Variants in BMERB1 observed in about 807,000 individuals in gnomAD.
The protein encoded by BMERB1 is bMERB domain-containing protein 1.
In BMERB1, 12 loss-of-function variants were observed where a neutral mutation model predicts 23.6. The ratio of observed to expected loss-of-function variants is 0.51; its 90% CI spans 0.33 to 0.82. BMERB1 has a LOEUF of 0.82. BMERB1 is among the 40% of genes least tolerant of loss of function. The pLI is 0.03. For synonymous variants in BMERB1, 122 were observed against 96.6 expected, an observed-to-expected ratio of 1.26 and a Z score of -1.54; for missense variants, 247 against 255.4, an observed-to-expected ratio of 0.97 and a Z score of 0.22.
At chr16:15,452,323 G>A (rs11075267) in intron 1 of BMERB1, among the ~76,000 whole-genome samples, 1 of 122,320 alleles carries the variant, frequency 8.2e-6, no homozygotes, top group Non-Finnish European at 1.6e-5. Context: ...GGAGAGAGAG[G>A]GAGGGAGGGA....
At chr16:15,551,948 A>T (rs1352803879) in intron 2 of BMERB1, among the ~76,000 whole-genome samples, 33 of 152,150 alleles carry the variant, frequency 2.2e-4, no homozygotes, top group Admixed American at 2.2e-3. Flanking sequence ...GATAACAGGC[A>T]GGAGCTGCTG....
At chr16:15,490,239 C>T (rs1424196753) in intron 1 of BMERB1, among the ~76,000 whole-genome samples, 1 of 152,106 alleles carries the variant, frequency 6.6e-6, no homozygotes, top group East Asian at 1.9e-4. Context: ...GTGCCCACTT[C>T]AAGAGATGCC....
chr16:15,546,751 T>C (rs1471793110), intron 2 of BMERB1, among the ~76,000 whole-genome samples: 1 of 152,172 alleles, frequency 6.6e-6, no homozygotes, highest in Non-Finnish European at 1.5e-5. Context: ...ATGGGTCCAG[T>C]TGCTGGGGTG....
At chr16:15,496,988 AGCCAAGGAATGTAGGTG>A (rs1467731013) in intron 1 of BMERB1, among the ~76,000 whole-genome samples, 5 of 152,246 alleles carry the variant, frequency 3.3e-5, no homozygotes, top group Non-Finnish European at 1.5e-5. Context: ...AGGGGCCATA[AGCCAAGGAATGTAGGTG>A]GCCAAGGAAT....
intron 3 of BMERB1, among the ~76,000 whole-genome samples, chr16:15,571,582 C>A (rs1287509028): frequency 2.6e-5 from 4 of 152,080 alleles, no homozygotes; most frequent in African/African-American, 9.7e-5. Context: ...TCTCGATCTC[C>A]TGACCTCATG....
At chr16:15,511,687 C>T (rs2051667395) in intron 1 of BMERB1, among the ~76,000 whole-genome samples, 1 of 152,198 alleles carries the variant, frequency 6.6e-6, no homozygotes, top group South Asian at 2.1e-4. Context: ...TGGCCTTTTC[C>T]ATTGCCTTTG....
intron 2 of BMERB1, among the ~76,000 whole-genome samples, chr16:15,541,286 C>A (rs981088788): frequency 3.3e-5 from 5 of 151,934 alleles, no homozygotes; most frequent in African/African-American, 1.2e-4. Flanking sequence ...GGTGCACTGC[C>A]CTCCCAGCAC....
At chr16:15,462,640 T>G (rs1021772912) in intron 1 of BMERB1, among the ~76,000 whole-genome samples, 1 of 152,056 alleles carries the variant, frequency 6.6e-6, no homozygotes, top group Non-Finnish European at 1.5e-5. Context: ...GGGAACAGCC[T>G]GAATGCGAAC....
At chr16:15,547,694 T>C (rs2029962023) in intron 2 of BMERB1, among the ~76,000 whole-genome samples, 1 of 152,070 alleles carries the variant, frequency 6.6e-6, no homozygotes, top group Non-Finnish European at 1.5e-5. Context: ...CCTGCTGAAA[T>C]AGCTGTCATG....
intron 5 of BMERB1, among the ~76,000 whole-genome samples, chr16:15,585,522 A>G (rs1156598169): frequency 6.6e-6 from 1 of 152,128 alleles, no homozygotes; most frequent in Non-Finnish European, 1.5e-5. Context: ...CCCCTTGAAG[A>G]TGAGCCCTCA....
At chr16:15,450,336 A>C (rs1182152162) in intron 1 of BMERB1, among the ~76,000 whole-genome samples, 2 of 152,202 alleles carry the variant, frequency 1.3e-5, no homozygotes, top group African/African-American at 2.4e-5. Context: ...AAAAAAGAAA[A>C]AAAAGGAAAA....
chr16:15,526,663 C>CAAAAAA (rs57236824), intron 2 of BMERB1, among the ~76,000 whole-genome samples: 1 of 50,856 alleles, frequency 2.0e-5, no homozygotes, highest in Non-Finnish European at 4.6e-5. Flanking sequence ...GACTGCATCT[C>CAAAAAA]AAAAAAAAAA....
intron 3 of BMERB1, among the ~76,000 whole-genome samples, chr16:15,570,447 T>A (rs973769491): frequency 2.6e-5 from 4 of 152,168 alleles, no homozygotes; most frequent in African/African-American, 9.7e-5. Flanking sequence ...TTGATCATTT[T>A]TTGTTGGGGG....
chr16:15,456,172 G>A (rs1046052827), intron 1 of BMERB1, among the ~76,000 whole-genome samples: 13 of 152,060 alleles, frequency 8.5e-5, no homozygotes, highest in African/African-American at 2.9e-4. Context: ...TTGTCATTCC[G>A]TCACAAGTTT....
intron 2 of BMERB1, among the ~76,000 whole-genome samples, chr16:15,545,839 A>G (rs1466295837): frequency 6.6e-6 from 1 of 152,126 alleles, no homozygotes; most frequent in Non-Finnish European, 1.5e-5. Flanking sequence ...TAGGGTTTGG[A>G]GGTTGAGCAG....
intron 3 of BMERB1, among the ~76,000 whole-genome samples, chr16:15,571,229 A>T (rs1383775404): frequency 6.6e-6 from 1 of 152,204 alleles, no homozygotes; most frequent in East Asian, 1.9e-4. Flanking sequence ...ATGTTGCTGA[A>T]TGTACCCCAA....
intron 1 of BMERB1, among the ~76,000 whole-genome samples, chr16:15,495,397 G>A (rs555767099): frequency 1.4e-4 from 21 of 150,976 alleles, no homozygotes; most frequent in South Asian, 4.2e-4. Flanking sequence ...ACAGAGTCTC[G>A]CTCTGTCACC....
intron 3 of BMERB1, among the ~76,000 whole-genome samples, chr16:15,576,944 A>G (rs1028952342): frequency 6.6e-6 from 1 of 152,196 alleles, no homozygotes; most frequent in Non-Finnish European, 1.5e-5. Context: ...GGCCTGTGGC[A>G]GACTGCACCA....
chr16:15,540,382 G>A (rs552912043), intron 2 of BMERB1, among the ~76,000 whole-genome samples: 20 of 151,794 alleles, frequency 1.3e-4, no homozygotes, highest in African/African-American at 4.6e-4. Context: ...AAAAATTAGC[G>A]GCTCTCGGTG....
Sources: allele counts gnomAD v4.1 joint callset (sites outside exome capture counted in the v4.1 genomes callset), GRCh38; gene constraint gnomAD v4.1.1; transcripts MANE v1.5; gene names NCBI Gene and HGNC (gene_info 2026-07-23, HGNC 2026-07-21).